The following RORA variants were observed in gnomAD, a reference collection of about 807,000 sequenced individuals.
RORA encodes nuclear receptor ROR-alpha.
A neutral mutation model predicts 69.5 loss-of-function variants in RORA; 7 were observed. That is an observed-to-expected ratio of 0.10 (90% CI 0.06 to 0.19). The LOEUF (loss-of-function observed/expected upper bound fraction) is 0.19. Ranked by LOEUF, RORA falls within the 10% of genes least tolerant of loss-of-function variation. The probability of loss-of-function intolerance (pLI) is 1.00; values close to 1 mark genes in which losing one functional copy is unlikely to be tolerated. For missense variants in RORA, 457 were observed against 663.0 expected, an observed-to-expected ratio of 0.69 and a Z score of 3.41; for synonymous variants, 261 against 240.8, an observed-to-expected ratio of 1.08 and a Z score of -0.78.
intron 1 of RORA, among the ~76,000 whole-genome samples, chr15:60,789,488 G>C (rs2072385444): frequency 6.6e-6 from 1 of 152,178 alleles, no homozygotes; most frequent in African/African-American, 2.4e-5. Context: ...TTACAAATGT[G>C]TTGCCAGAAT....
At chr15:60,938,864 T>G (rs182977134) in intron 1 of RORA, among the ~76,000 whole-genome samples, 1 of 152,328 alleles carries the variant, frequency 6.6e-6, no homozygotes, top group East Asian at 1.9e-4. Flanking sequence ...CTGAAAAAAC[T>G]GGAGATTTGT....
intron 1 of RORA, among the ~76,000 whole-genome samples, chr15:60,740,719 A>C (rs1298068717): frequency 6.6e-6 from 1 of 152,248 alleles, no homozygotes; most frequent in African/African-American, 2.4e-5. Flanking sequence ...ACTTTTAAAA[A>C]AATGTGACAT....
At chr15:60,679,557 T>C (rs1180551763) in intron 1 of RORA, among the ~76,000 whole-genome samples, 1 of 152,216 alleles carries the variant, frequency 6.6e-6, no homozygotes, top group Admixed American at 6.5e-5. Flanking sequence ...GTCATAAAAC[T>C]GTTGAAAACA....
intron 1 of RORA, among the ~76,000 whole-genome samples, chr15:60,887,273 T>C (rs2073762152): frequency 6.6e-6 from 1 of 152,196 alleles, no homozygotes; most frequent in Non-Finnish European, 1.5e-5. Context: ...TTTCGTGGCC[T>C]GAAGGGATCC....
intron 1 of RORA, among the ~76,000 whole-genome samples, chr15:61,060,427 CCT>C (rs2078166996): frequency 6.6e-6 from 1 of 152,148 alleles, no homozygotes; most frequent in African/African-American, 2.4e-5. Context: ...GACAGCACCC[CCT>C]GAGAGCAGGC....
chr15:61,001,116 T>G (rs997653981), intron 1 of RORA, among the ~76,000 whole-genome samples: 1 of 152,240 alleles, frequency 6.6e-6, no homozygotes, highest in Non-Finnish European at 1.5e-5. Flanking sequence ...TGTAAGTCCT[T>G]CCAACATTCT....
intron 2 of RORA, among the ~76,000 whole-genome samples, chr15:60,609,248 A>G (rs976211669): frequency 1.3e-5 from 2 of 152,130 alleles, no homozygotes; most frequent in Admixed American, 6.5e-5. Flanking sequence ...TGCTCTTAAC[A>G]CCATTTGCTT....
At chr15:60,910,181 T>A (rs1462688885) in intron 1 of RORA, among the ~76,000 whole-genome samples, 1 of 152,202 alleles carries the variant, frequency 6.6e-6, no homozygotes, top group Non-Finnish European at 1.5e-5. Context: ...AACAAATGAT[T>A]ACACTCCAGG....
chr15:60,997,836 T>C (rs1894608034), intron 1 of RORA, among the ~76,000 whole-genome samples: 1 of 152,214 alleles, frequency 6.6e-6, no homozygotes, highest in African/African-American at 2.4e-5. Flanking sequence ...GTCATCTTTC[T>C]TTCTGTGGCT....
At chr15:60,879,654 T>A (rs1361225045) in intron 1 of RORA, among the ~76,000 whole-genome samples, 1 of 152,172 alleles carries the variant, frequency 6.6e-6, no homozygotes, top group Non-Finnish European at 1.5e-5. Context: ...ATTTGAGGAC[T>A]CACTTTAAGA....
intron 1 of RORA, among the ~76,000 whole-genome samples, chr15:61,098,373 GC>G (rs1219375145): frequency 2.7e-5 from 4 of 150,308 alleles, no homozygotes; most frequent in African/African-American, 9.8e-5. Context: ...ACAAGGTCTG[GC>G]TTTGTCACCC....
chr15:61,116,428 C>A (rs1342022080), intron 1 of RORA, among the ~76,000 whole-genome samples: 41 of 152,142 alleles, frequency 2.7e-4, no homozygotes, highest in Non-Finnish European at 1.5e-5. Context: ...CAGTTAAAGA[C>A]CCCCACATTT....
intron 1 of RORA, among the ~76,000 whole-genome samples, chr15:61,090,011 C>G (rs1013837311): frequency 2.0e-5 from 3 of 152,254 alleles, no homozygotes; most frequent in African/African-American, 7.2e-5. Flanking sequence ...CTAGCCCCCA[C>G]TTCAACTTTC....
intron 1 of RORA, among the ~76,000 whole-genome samples, chr15:61,217,449 G>C (rs1426939824): frequency 6.6e-6 from 1 of 151,174 alleles, no homozygotes; most frequent in East Asian, 1.9e-4. Flanking sequence ...GAGAGAGATG[G>C]GGACTAGGTG....
At chr15:60,732,484 G>C (rs941039019) in intron 1 of RORA, among the ~76,000 whole-genome samples, 2 of 152,136 alleles carry the variant, frequency 1.3e-5, no homozygotes, top group African/African-American at 2.4e-5. Flanking sequence ...ATTTCAGGAG[G>C]CTTACTTGGA....
chr15:60,917,500 A>G (rs1000808715), intron 1 of RORA, among the ~76,000 whole-genome samples: 9 of 151,908 alleles, frequency 5.9e-5, no homozygotes, highest in African/African-American at 2.2e-4. Context: ...TAGCCTAGAC[A>G]CTCCCGGGAA....
intron 1 of RORA, among the ~76,000 whole-genome samples, chr15:61,013,471 C>T (rs1895157676): frequency 6.6e-6 from 1 of 152,204 alleles, no homozygotes; most frequent in South Asian, 2.1e-4. Context: ...TTGTTACCTG[C>T]AAATACTGAT....
At chr15:60,810,939 T>C (rs1393029815) in intron 1 of RORA, among the ~76,000 whole-genome samples, 2 of 152,262 alleles carry the variant, frequency 1.3e-5, no homozygotes, top group East Asian at 3.8e-4. Context: ...GGAGCCACAA[T>C]GCCAGCTTCT....
chr15:61,142,943 T>C (rs900275315), intron 1 of RORA, among the ~76,000 whole-genome samples: 1 of 152,154 alleles, frequency 6.6e-6, no homozygotes, highest in Admixed American at 6.5e-5. Flanking sequence ...GGCATTCCTA[T>C]TAAGACAAGA....
Sources: gnomAD v4.1 joint callset for allele counts (sites outside exome capture counted in the v4.1 genomes callset) on GRCh38, gnomAD v4.1.1 for gene constraint, MANE v1.5 for transcripts, NCBI Gene and HGNC (gene_info 2026-07-23, HGNC 2026-07-21) for gene names.